RHEB: variants seen among roughly 807,000 people sequenced by gnomAD.
RHEB encodes GTP-binding protein Rheb.
RHEB carries 2 observed loss-of-function variants against 28.8 expected under a neutral mutation model. That is an observed-to-expected ratio of 0.07 (90% CI 0.03 to 0.22). The LOEUF is 0.22. Among genes scored for constraint, RHEB ranks in the 10% least tolerant of loss-of-function variants. The pLI, the probability that RHEB is intolerant of heterozygous loss-of-function variation, is 1.00. For synonymous variants in RHEB, 69 were observed against 77.3 expected, an observed-to-expected ratio of 0.89 and a Z score of 0.56; for missense variants, 76 against 219.9, an observed-to-expected ratio of 0.35 and a Z score of 4.14.
Position 151,472,241 on chromosome 7 carries a change from C to T in RHEB, c.276-636G>A, listed in dbSNP as rs1380252135. Reference sequence around the variant, plus strand: ...CACATCACTGGCTCTACTTTCAAATCCTACCTAGAATCTGACGGCTTCTCA... The same window carrying T: ...CACATCACTGGCTCTACTTTCAAATTCTACCTAGAATCTGACGGCTTCTCA... On this transcript the variant is annotated intron_variant, in intron 4 of 7. Transcript: ENST00000262187. This position sits in a 1 kb window ranked among gnomAD's most constrained non-coding sequence, Gnocchi z 5.2. 6.6e-6 allele frequency among the ~76,000 whole-genome samples: 1 copy of T among 152,230 alleles called. No individual in the cohort carries two copies. Among genetic ancestry groups the T allele is most frequent in the African/African-American group, 2.4e-5 (1 of 41,452 alleles).
rs775898236 is a variant in RHEB at position 151,470,665 on chromosome 7, T to C, written c.381-13A>G. 14 of 1,573,358 alleles carry C rather than the reference T, an allele frequency of 8.9e-6. No homozygotes were observed. The highest frequency in any genetic ancestry group is 1.2e-5 in the Non-Finnish European group (14 of 1,149,422). On this transcript the variant is annotated splice_polypyrimidine_tract_variant and intron_variant, in intron 6 of 7. Transcript: ENST00000262187. ...ATAACTGATCACCCTAAAGAAAAAA[T>C]AAAATTCTAGTTAAAGTACTTTGCT...
At chr7:151,483,499 A>C (rs1584853631) in intron 3 of RHEB, among the ~76,000 whole-genome samples, 1 of 152,266 alleles carries the variant, frequency 6.6e-6, no homozygotes, top group South Asian at 2.1e-4. Flanking sequence ...CAGGTGAATC[A>C]CCTGAGGTCA....
At chr7:151,510,518 C>T (rs1194734907) in intron 1 of RHEB, among the ~76,000 whole-genome samples, 1 of 152,212 alleles carries the variant, frequency 6.6e-6, no homozygotes, top group Non-Finnish European at 1.5e-5. Flanking sequence ...TTCAAAAGCA[C>T]CAACAATTAT....
rs1802178760 is a variant in RHEB, at chr7:151,472,443, G to A, written c.276-838C>T. ...TCTGATGGGTGGCCATCTTTACTCG[G>A]CCCCAGTGACTCTCAAGCCGCAAAC... On this transcript the variant is annotated intron_variant, in intron 4 of 7. Coordinates refer to ENST00000262187, the MANE Select transcript of RHEB (RefSeq NM_005614.4). This position sits in a 1 kb window ranked among gnomAD's most constrained non-coding sequence, Gnocchi z 5.2. 6.6e-6 allele frequency among the ~76,000 whole-genome samples: 1 copy of A among 152,030 alleles called. No individual in the cohort carries two copies. Among genetic ancestry groups the A allele is most frequent in the Non-Finnish European group, 1.5e-5 (1 of 68,002 alleles).
intron 2 of RHEB, 125 bp from the exon 3 acceptor site, chr7:151,484,929 C>A: frequency 8.2e-6 from 5 of 610,554 alleles, no homozygotes; most frequent in Admixed American, 2.9e-5. Flanking sequence ...CCCCATGAAA[C>A]AAAAAAGAAC....
At chr7:151,510,381 GC>G (rs1368100296) in intron 1 of RHEB, among the ~76,000 whole-genome samples, 2 of 152,184 alleles carry the variant, frequency 1.3e-5, no homozygotes, top group East Asian at 3.8e-4. Flanking sequence ...TTGACATTGG[GC>G]AAGTCACATA....
chr7:151,499,266 A>G (rs1802728796), intron 1 of RHEB, among the ~76,000 whole-genome samples: 1 of 152,140 alleles, frequency 6.6e-6, no homozygotes, highest in African/African-American at 2.4e-5. Flanking sequence ...GCTGAGGCAC[A>G]AGAATCACTT....
chr7:151,482,796 T>C (rs1225228716), intron 3 of RHEB, among the ~76,000 whole-genome samples: 3 of 152,094 alleles, frequency 2.0e-5, no homozygotes, highest in Non-Finnish European at 2.9e-5. Flanking sequence ...AATTATATAG[T>C]CAACTATAAA....
chr7:151,498,615 C>T (rs7801491), intron 1 of RHEB, among the ~76,000 whole-genome samples: 10,063 of 152,050 alleles, frequency 0.066, 1,073 homozygotes, highest in African/African-American at 0.23. Flanking sequence ...AAAGATACCA[C>T]TGAAAAGCTA....
intron 1 of RHEB, chr7:151,502,783 CAG>C (rs1802795754): frequency 1.4e-6 from 2 of 1,446,226 alleles, no homozygotes; most frequent in Non-Finnish European, 1.9e-6. Context: ...CAGAAAGTAG[CAG>C]AGACTGCTGT....
chr7:151,471,398 C>T lies in RHEB; in HGVS notation c.376G>A (p.Glu126Lys). The T allele has an allele frequency of 6.4e-7, 1 of 1,556,096 alleles. No individual in the cohort carries two copies. ...LVGNKKDLHMERVISYEEGKA... is the reference protein window; with the variant it reads ...LVGNKKDLHMKRVISYEEGKA... ...GACTTTATAAAAGCTACATACCTTT[C>T]CATATGCAGGTCTTTCTTATTCCCA... The change falls in exon 6 of 8, where the codon GAA becomes AAA. Residue 126 changes from glutamate (E) to lysine (K), a missense_variant. Coordinates refer to ENST00000262187, the MANE Select transcript of RHEB (RefSeq NM_005614.4).
intron 1 of RHEB, chr7:151,502,215 G>A (rs550654901): frequency 2.5e-4 from 117 of 468,056 alleles, no homozygotes; most frequent in Non-Finnish European, 3.5e-4. Flanking sequence ...CAGCCTGGGC[G>A]ACAGAGCTGT....
intron 3 of RHEB, among the ~76,000 whole-genome samples, chr7:151,477,830 T>C (rs1486855714): frequency 1.3e-5 from 2 of 152,150 alleles, no homozygotes; most frequent in Non-Finnish European, 2.9e-5. Context: ...GGCATATTAT[T>C]TGATTTATTC....
chr7:151,489,170 CA>C (rs1358494533), intron 2 of RHEB, among the ~76,000 whole-genome samples: 1 of 152,204 alleles, frequency 6.6e-6, no homozygotes, highest in Non-Finnish European at 1.5e-5. Context: ...ACGAAGAAAA[CA>C]ATCTTCTATT....
intron 7 of RHEB, 198 bp downstream of exon 7, chr7:151,470,373 G>A: frequency 2.4e-6 from 1 of 413,012 alleles, no homozygotes; most frequent in Non-Finnish European, 4.4e-6. Flanking sequence ...AGGTTCCACT[G>A]TAAGTAGAAT....
intron 1 of RHEB, among the ~76,000 whole-genome samples, chr7:151,508,906 T>C (rs1802935031): frequency 6.6e-6 from 1 of 152,184 alleles, no homozygotes; most frequent in South Asian, 2.1e-4. Flanking sequence ...CATAGAAGTC[T>C]AAAAAAATTG....
chr7:151,502,744 TA>T, intron 1 of RHEB: 1 of 1,555,870 alleles, frequency 6.4e-7, no homozygotes, highest in Non-Finnish European at 8.9e-7. Context: ...TTTGCCCGTT[TA>T]AAAATGGAAA....
At chr7:151,503,745 G>A (rs186665012) in intron 1 of RHEB, among the ~76,000 whole-genome samples, 151 of 148,350 alleles carry the variant, frequency 1.0e-3, no homozygotes, top group Non-Finnish European at 1.8e-3. Flanking sequence ...GGTGAAATTC[G>A]TTGCTCTTGT....
chr7:151,500,020 T>C (rs564642416), intron 1 of RHEB, among the ~76,000 whole-genome samples: 149 of 152,304 alleles, frequency 9.8e-4, no homozygotes, highest in African/African-American at 3.5e-3. Flanking sequence ...CATGCTGGTC[T>C]CAAACACCTG....
Sources: gnomAD v4.1 joint callset for allele counts (sites outside exome capture counted in the v4.1 genomes callset) on GRCh38, gnomAD v4.1.1 for gene constraint, Gnocchi (gnomAD v3.1) non-coding constraint, MANE v1.5 for transcripts, NCBI Gene and HGNC (gene_info 2026-07-23, HGNC 2026-07-21) for gene names.